Variants in CFAP206 observed in about 807,000 individuals in gnomAD.
The protein encoded by CFAP206 is cilia and flagella associated protein 206.
CFAP206 carries 53 observed loss-of-function variants against 65.4 expected under a neutral mutation model. The observed-to-expected ratio is 0.81, with a 90% CI of 0.65 to 1.02. The LOEUF (loss-of-function observed/expected upper bound fraction) is 1.02, where lower values mean the gene tolerates loss of function less well. Among genes scored for constraint, CFAP206 ranks in the 50% least tolerant of loss-of-function variants. CFAP206 has a pLI of 0.00. For synonymous variants in CFAP206, 250 were observed against 254.4 expected (o/e 0.98, Z 0.17); for missense variants, 663 against 753.2 (o/e 0.88, Z 1.40).
chr6:87,445,126 C>A, intron 11 of CFAP206: 1 of 411,418 alleles, frequency 2.4e-6, no homozygotes, highest in South Asian at 1.8e-5. Flanking sequence ...ACTTTCTTAT[C>A]ATTTGCGTAA....
rs778470371 is a variant in CFAP206, at chr6:87,416,690, C to T, written c.494C>T (p.Pro165Leu). Residue 165 changes from proline (P) to leucine (L), a missense_variant, in exon 6 of 13, where the codon CCT becomes CTT. Physicochemically the swap from Pro to Leu is moderately conservative, Grantham distance 98 (BLOSUM62 -3). Transcript: ENST00000369562. ...TTAGCTGCTCTACAGAGTGTTTTTC[C>T]TCAGGCAGAGCTTGGGACATTTCTA... ...EVTAALQSVF[P>L]QAELGTFLTL... The T allele has an allele frequency of 2.5e-6, 4 of 1,607,038 alleles. No homozygotes were observed. Among genetic ancestry groups the T allele is most frequent in the Non-Finnish European group, 3.4e-6 (4 of 1,176,720 alleles).
intron 4 of CFAP206, 25 bp downstream of exon 4, chr6:87,413,925 A>C (rs1582131912): frequency 8.0e-7 from 1 of 1,249,202 alleles, no homozygotes; most frequent in Non-Finnish European, 1.1e-6. Context: ...CTATTTTTAT[A>C]CTTAAAAAAT....
rs1016471773 is a variant in CFAP206, at chr6:87,415,221, G to T, written c.284-465G>T. 2.0e-5 allele frequency among the ~76,000 whole-genome samples: 3 copies of T among 151,662 alleles called. No homozygotes were observed. In the South Asian group the frequency reaches 6.2e-4, roughly 32 times the overall value. ...AAATAAAAATACACGTAACCGAAAG[G>T]AACATATATACTACATATATATTTC... On this transcript the variant is annotated intron_variant, in intron 4 of 12. Coordinates refer to ENST00000369562, the MANE Select transcript of CFAP206 (RefSeq NM_001031743.3).
At chr6:87,443,229 C>CT (rs1768385740) in intron 11 of CFAP206, among the ~76,000 whole-genome samples, 1 of 152,084 alleles carries the variant, frequency 6.6e-6, no homozygotes, top group South Asian at 2.1e-4. Flanking sequence ...TTCAAATCAT[C>CT]TAAGTTTTTA....
In CFAP206 at chr6:87,409,834, G is replaced by A. The variant is rs1202934936; in HGVS notation, c.-5-1G>A. 7 of 1,595,354 alleles carry A rather than the reference G, an allele frequency of 4.4e-6. No homozygotes were observed. The highest frequency in any genetic ancestry group is 3.4e-5 in the South Asian group (3 of 87,600). ...TTAAAAAAAATTGTTGTTTTATTTA[G>A]CCAGAATGCCTCCAACTCAGGCCGA... On this transcript the variant is annotated splice_acceptor_variant, in intron 1 of 12. Coordinates refer to ENST00000369562, the MANE Select transcript of CFAP206 (RefSeq NM_001031743.3). LOFTEE classifies it low-confidence loss of function (5UTR_SPLICE).
Position 87,428,749 on chromosome 6 carries a change from C to G in CFAP206, c.1084C>G (p.Pro362Ala). 1 of 1,614,092 alleles carries G rather than the reference C, an allele frequency of 6.2e-7. No individual in the cohort carries two copies. Among genetic ancestry groups the G allele is most frequent in the Non-Finnish European group, 8.5e-7 (1 of 1,180,016 alleles). Residue 362 changes from proline to alanine, a missense_variant, in exon 9 of 13, where the codon CCT becomes GCT. Physicochemically the swap from Pro to Ala is conservative, Grantham distance 27. Coordinates refer to ENST00000369562, the MANE Select transcript of CFAP206 (RefSeq NM_001031743.3). Reference protein sequence around the residue: ...PFLGAHELYFPERVMQCHLNG... With the variant: ...PFLGAHELYFAERVMQCHLNG... Reference sequence around the variant, plus strand: ...CTTGGGTGCTCACGAACTATACTTTCCTGAGAGAGTGATGCAATGTCATCT... The same window carrying G: ...CTTGGGTGCTCACGAACTATACTTTGCTGAGAGAGTGATGCAATGTCATCT...
In CFAP206 at chr6:87,428,747, T is replaced by C; in HGVS notation, c.1082T>C (p.Phe361Ser). The change falls in exon 9 of 13, where the codon TTT (phenylalanine) becomes TCT (serine). Residue 361 changes from phenylalanine (F) to serine (S), a missense_variant. Physicochemically the swap from Phe to Ser is radical, Grantham distance 155. Coordinates refer to ENST00000369562, the MANE Select transcript of CFAP206 (RefSeq NM_001031743.3). ...TTCTTGGGTGCTCACGAACTATACT[T>C]TCCTGAGAGAGTGATGCAATGTCAT... ...QPFLGAHELY[F>S]PERVMQCHLN... The C allele has an allele frequency of 6.2e-7, 1 of 1,614,172 alleles. No homozygotes were observed. The highest frequency in any genetic ancestry group is 8.5e-7 in the Non-Finnish European group (1 of 1,180,024).
chr6:87,464,289 G>A lies in CFAP206; in HGVS notation c.*39G>A. The stretch of plus-strand genomic sequence containing the variant: ...TTTAAAATAGATGCTACTCAATTAT[G>A]AACAATAGCAAGTACTTAAAGGTAT... On this transcript the variant is annotated 3_prime_UTR_variant, in exon 13 of 13. Coordinates refer to ENST00000369562, the MANE Select transcript of CFAP206 (RefSeq NM_001031743.3). 6.6e-7 allele frequency: 1 copy of A among 1,509,120 alleles called. No individual in the cohort carries two copies. The highest frequency in any genetic ancestry group is 9.1e-7 in the Non-Finnish European group (1 of 1,096,878). 93.5% of individuals were successfully genotyped at this position (1,509,120 alleles called of 1,614,324 possible). A position where few individuals can be genotyped will look rare whatever the true frequency, so the allele number is the denominator to read the frequency against.
intron 11 of CFAP206, among the ~76,000 whole-genome samples, chr6:87,452,007 C>T (rs1768554207): frequency 6.6e-6 from 1 of 152,072 alleles, no homozygotes; most frequent in South Asian, 2.1e-4. Context: ...GCCACAGTAC[C>T]AAAACCCAGT....
At chr6:87,448,167 C>T (rs1452558283) in intron 11 of CFAP206, among the ~76,000 whole-genome samples, 2 of 152,004 alleles carry the variant, frequency 1.3e-5, no homozygotes, top group Admixed American at 1.3e-4. Flanking sequence ...CATGTGTTTT[C>T]ATTATTCAAC....
intron 4 of CFAP206, 138 bp downstream of exon 4, chr6:87,414,038 T>C (rs1476461423): frequency 4.9e-6 from 2 of 412,294 alleles, no homozygotes; most frequent in Non-Finnish European, 8.1e-6. Context: ...CTTTGAGGAA[T>C]ACAACGTTAG....
At chr6:87,422,759 AAAAAC>A (rs1270190676) in intron 7 of CFAP206, among the ~76,000 whole-genome samples, 3 of 151,332 alleles carry the variant, frequency 2.0e-5, no homozygotes, top group Middle Eastern at 6.8e-3. Flanking sequence ...TCAAAAAAAA[AAAAAC>A]AAAACAAACA....
chr6:87,444,437 A>G (rs1768411515), intron 11 of CFAP206: 1 of 224,544 alleles, frequency 4.5e-6, no homozygotes, highest in South Asian at 7.8e-5. Context: ...TACTAATGAG[A>G]TTTGTAACCT....
intron 11 of CFAP206, 154 bp downstream of exon 11, chr6:87,435,207 G>A (rs1237294514): frequency 2.0e-6 from 1 of 497,336 alleles, no homozygotes; most frequent in African/African-American, 2.0e-5. Flanking sequence ...ATCTGAAGAT[G>A]AAAACTAATT....
At chr6:87,430,833 A>T (rs1768143627) in intron 9 of CFAP206, among the ~76,000 whole-genome samples, 200 bp from the exon 10 acceptor site, 1 of 152,202 alleles carries the variant, frequency 6.6e-6, no homozygotes, top group African/African-American at 2.4e-5. Context: ...ACGTGACGTT[A>T]TATGTCACTG....
At chr6:87,434,213 G>A (rs1768211416) in intron 10 of CFAP206, among the ~76,000 whole-genome samples, 1 of 152,098 alleles carries the variant, frequency 6.6e-6, no homozygotes, top group Non-Finnish European at 1.5e-5. Flanking sequence ...ACCAGCCTGG[G>A]TGATGTGGTG....
In CFAP206 at chr6:87,416,729, A is replaced by G. The variant is rs1395027680; in HGVS notation, c.533A>G (p.Lys178Arg). The change falls in exon 6 of 13, where the codon AAG (lysine) becomes AGG (arginine). Residue 178 changes from lysine (K) to arginine (R), a missense_variant. By Grantham distance (26) the Lys-to-Arg change is conservative (BLOSUM62 2). Transcript: ENST00000369562. Reference protein sequence around the residue: ...ELGTFLTLSKKDKERQLKELT... With the variant: ...ELGTFLTLSKRDKERQLKELT... ...GGGACATTTCTAACTCTTTCTAAGA[A>G]GGACAAAGAACGCCAGCTGAAAGAA... 6 of 1,613,790 alleles carry G rather than the reference A, an allele frequency of 3.7e-6. No homozygotes were observed. The highest frequency in any genetic ancestry group is 5.1e-6 in the Non-Finnish European group (6 of 1,179,868).
intron 7 of CFAP206, among the ~76,000 whole-genome samples, chr6:87,423,374 G>A (rs543157390): frequency 4.7e-4 from 70 of 150,154 alleles, no homozygotes; most frequent in Non-Finnish European, 7.8e-4. Context: ...TCAGCCTCTC[G>A]AGTAGCTGGG....
intron 11 of CFAP206, among the ~76,000 whole-genome samples, chr6:87,437,061 C>T (rs897126102): frequency 6.6e-6 from 1 of 152,116 alleles, no homozygotes. Flanking sequence ...ACCTCCACCT[C>T]CCAGGTTCAA....
Sources: allele counts gnomAD v4.1 joint callset (sites outside exome capture counted in the v4.1 genomes callset), GRCh38; gene constraint gnomAD v4.1.1; transcripts MANE v1.5; gene names NCBI Gene and HGNC (gene_info 2026-07-23, HGNC 2026-07-21).